RAD51B: variants seen among roughly 807,000 people sequenced by gnomAD.
The protein encoded by RAD51B is DNA repair protein RAD51 homolog 2.
Under a neutral mutation model 42.2 loss-of-function variants are expected in RAD51B, and 38 were observed. That is an observed-to-expected ratio of 0.90 (90% CI 0.70 to 1.18). The LOEUF is 1.18. Among genes scored for constraint, RAD51B ranks in the 50% most tolerant of loss-of-function variants. The pLI is 0.00. For missense variants in RAD51B, 373 were observed against 400.7 expected, an observed-to-expected ratio of 0.93 and a Z score of 0.59; for synonymous variants, 154 against 145.2, an observed-to-expected ratio of 1.06 and a Z score of -0.43.
intron 7 of RAD51B, among the ~76,000 whole-genome samples, chr14:67,899,913 A>G (rs1453488383): frequency 1.3e-5 from 2 of 152,222 alleles, no homozygotes; most frequent in African/African-American, 4.8e-5. Context: ...TTGAATCCAG[A>G]TATGTGTGAT....
At chr14:68,652,523 T>C (rs1327915343) in intron 11 of RAD51B, among the ~76,000 whole-genome samples, 6 of 152,250 alleles carry the variant, frequency 3.9e-5, no homozygotes, top group Admixed American at 1.3e-4. Context: ...CCCTCGGCCA[T>C]GCGTGCTGTG....
chr14:67,960,827 C>G (rs2074648847), intron 7 of RAD51B, among the ~76,000 whole-genome samples: 1 of 151,976 alleles, frequency 6.6e-6, no homozygotes, highest in African/African-American at 2.4e-5. Flanking sequence ...TGCCTTTATG[C>G]CTGGCTAATT....
At chr14:68,447,906 A>G (rs572378630) in intron 9 of RAD51B, among the ~76,000 whole-genome samples, 112 of 152,352 alleles carry the variant, frequency 7.4e-4, no homozygotes, top group Non-Finnish European at 1.2e-3. Flanking sequence ...GAAATTAGTA[A>G]TAATTTTGGA....
chr14:68,229,296 CTGGTCACTAT>C (rs1216254386), intron 7 of RAD51B, among the ~76,000 whole-genome samples: 2 of 152,146 alleles, frequency 1.3e-5, no homozygotes, highest in African/African-American at 4.8e-5. Context: ...GTTGGAAAAC[CTGGTCACTAT>C]TGGCCTAATT....
rs542732858 is a variant in RAD51B at position 68,328,029 on chromosome 14, C to T, written c.853+36049C>T. Among the ~76,000 whole-genome samples, 37 of 152,254 alleles carry T rather than the reference C, an allele frequency of 2.4e-4. 1 individual carries two copies. Among genetic ancestry groups the T allele is most frequent in the African/African-American group, 8.7e-4 (36 of 41,520 alleles). On this transcript the variant is annotated intron_variant, in intron 8 of 10. Coordinates refer to ENST00000471583, the MANE Select transcript of RAD51B (RefSeq NM_133510.4). ...CTGCCTAGAGTCCCATAGGCACTCA[C>T]TTCCCTATGGAACCCTCTGTCCCTT...
intron 9 of RAD51B, among the ~76,000 whole-genome samples, chr14:68,458,013 A>G (rs2085748131): frequency 6.6e-6 from 1 of 151,764 alleles, no homozygotes; most frequent in Non-Finnish European, 1.5e-5. Context: ...TTAAGCTTGT[A>G]GTTAACTATA....
At chr14:67,836,197 G>A (rs1417124365) in intron 4 of RAD51B, among the ~76,000 whole-genome samples, 3 of 152,134 alleles carry the variant, frequency 2.0e-5, no homozygotes, top group Admixed American at 2.0e-4. Context: ...GCTTGGTAGG[G>A]GCTGTAGGAT....
intron 8 of RAD51B, among the ~76,000 whole-genome samples, chr14:68,315,926 T>G (rs111326711): frequency 2.6e-5 from 4 of 152,236 alleles, no homozygotes; most frequent in African/African-American, 9.6e-5. Context: ...TAACTAGGGC[T>G]TATCTGAATG....
chr14:68,160,726 TG>T (rs1459604151), intron 7 of RAD51B, among the ~76,000 whole-genome samples: 2 of 152,222 alleles, frequency 1.3e-5, no homozygotes, highest in Non-Finnish European at 2.9e-5. Context: ...CTATTATTTT[TG>T]CTTTAATCTA....
intron 7 of RAD51B, among the ~76,000 whole-genome samples, chr14:67,980,327 C>T (rs1262772193): frequency 1.3e-5 from 2 of 152,150 alleles, no homozygotes; most frequent in Admixed American, 1.3e-4. Context: ...CGCCTGTAAT[C>T]CCAGTTATGG....
At chr14:68,073,679 T>C (rs1396725002) in intron 7 of RAD51B, among the ~76,000 whole-genome samples, 1 of 152,202 alleles carries the variant, frequency 6.6e-6, no homozygotes, top group South Asian at 2.1e-4. Flanking sequence ...ATTTCTGTAG[T>C]ACTCCCTTAA....
intron 7 of RAD51B, among the ~76,000 whole-genome samples, chr14:68,252,643 T>C (rs2080661705): frequency 6.6e-6 from 1 of 152,250 alleles, no homozygotes; most frequent in Admixed American, 6.5e-5. Context: ...TTTATTCTTT[T>C]TTAACAGCTG....
chr14:68,643,071 C>CATAAAGTAGT (rs1892494950), intron 10 of RAD51B, among the ~76,000 whole-genome samples: 3 of 152,156 alleles, frequency 2.0e-5, no homozygotes, highest in African/African-American at 2.4e-5. Flanking sequence ...TCTGTTGTTG[C>CATAAAGTAGT]CGGCTGGATC....
chr14:67,947,328 T>C (rs949723929), intron 7 of RAD51B, among the ~76,000 whole-genome samples: 1 of 152,164 alleles, frequency 6.6e-6, no homozygotes, highest in Non-Finnish European at 1.5e-5. Context: ...CTGTAAGGCA[T>C]GTTTAGCTTT....
intron 9 of RAD51B, among the ~76,000 whole-genome samples, chr14:68,433,367 A>T (rs565570160): frequency 6.6e-6 from 1 of 152,040 alleles, no homozygotes; most frequent in Non-Finnish European, 1.5e-5. Context: ...CATTCTCCCC[A>T]TCACTTTCAG....
intron 7 of RAD51B, among the ~76,000 whole-genome samples, chr14:67,893,497 CACACACACACACAAAA>C (rs1490785386): frequency 2.6e-5 from 2 of 77,554 alleles, no homozygotes; most frequent in African/African-American, 1.3e-4. Context: ...CACACACACA[CACACACACACACAAAA>C]AAAAACAATT....
At chr14:67,867,393 G>A (rs1003561809) in intron 5 of RAD51B, among the ~76,000 whole-genome samples, 11 of 152,198 alleles carry the variant, frequency 7.2e-5, no homozygotes, top group African/African-American at 2.7e-4. Context: ...AGGTCTCAGT[G>A]ATGACAGAGA....
intron 7 of RAD51B, among the ~76,000 whole-genome samples, chr14:68,028,397 T>C (rs2075987209): frequency 6.6e-6 from 1 of 152,158 alleles, no homozygotes; most frequent in Admixed American, 6.5e-5. Context: ...ACCCTTTCTA[T>C]ATTGACCTTG....
intron 7 of RAD51B, among the ~76,000 whole-genome samples, chr14:68,264,335 G>A (rs2080944603): frequency 6.6e-6 from 1 of 152,228 alleles, no homozygotes; most frequent in Admixed American, 6.5e-5. Context: ...TTCTATGACT[G>A]GGGTTAGGGA....
Sources: allele counts gnomAD v4.1 joint callset (sites outside exome capture counted in the v4.1 genomes callset), GRCh38; gene constraint gnomAD v4.1.1; transcripts MANE v1.5; gene names NCBI Gene and HGNC (gene_info 2026-07-23, HGNC 2026-07-21).